COL19A1: variants seen among roughly 807,000 people sequenced by gnomAD.
COL19A1 encodes collagen alpha-1(XIX) chain.
COL19A1 carries 159 observed loss-of-function variants against 190.2 expected under a neutral mutation model. That is an observed-to-expected ratio of 0.84 (90% CI 0.73 to 0.95). COL19A1 has a LOEUF of 0.95. Among genes scored for constraint, COL19A1 ranks in the 40% least tolerant of loss-of-function variants. The pLI, the probability that COL19A1 is intolerant of heterozygous loss-of-function variation, is 0.00. For missense variants in COL19A1, 1,418 were observed against 1,431.9 expected (o/e 0.99, Z 0.16); for synonymous variants, 509 against 458.9 (o/e 1.11, Z -1.39).
rs533990407 is a variant in COL19A1 at position 70,207,975 on chromosome 6, A to G, written c.*701A>G. 3 of 152,356 alleles carry G rather than the reference A, an allele frequency of 2.0e-5. No individual in the cohort carries two copies. In the South Asian group the frequency reaches 6.2e-4, roughly 32 times the overall value. 9.4% of individuals were successfully genotyped at this position (152,356 alleles called of 1,614,324 possible). On this transcript the variant is annotated 3_prime_UTR_variant, in exon 51 of 51. Transcript: ENST00000620364. Reference sequence around the variant, plus strand: ...ATGAGCTCAATTCAAAGCAATCACCACTGGCATGAATAAGTACTGCATGAA... The same window carrying G: ...ATGAGCTCAATTCAAAGCAATCACCGCTGGCATGAATAAGTACTGCATGAA...
intron 11 of COL19A1, among the ~76,000 whole-genome samples, chr6:69,991,622 A>T (rs567866723): frequency 6.6e-6 from 1 of 152,134 alleles, no homozygotes; most frequent in African/African-American, 2.4e-5. Flanking sequence ...TTTGATTTAC[A>T]TCTCTCTGAT....
chr6:70,041,135 C>T (rs1467195960), intron 14 of COL19A1, among the ~76,000 whole-genome samples: 1 of 152,058 alleles, frequency 6.6e-6, no homozygotes, highest in African/African-American at 2.4e-5. Flanking sequence ...CACCATAAAC[C>T]CACCTTCATG....
At chr6:69,928,833 G>A (rs1260548225) in intron 5 of COL19A1, among the ~76,000 whole-genome samples, 1 of 152,100 alleles carries the variant, frequency 6.6e-6, no homozygotes, top group Non-Finnish European at 1.5e-5. Flanking sequence ...GTACATATCC[G>A]TTGAAATGTT....
At chr6:69,916,112 A>G (rs1771283812) in intron 4 of COL19A1, among the ~76,000 whole-genome samples, 1 of 151,738 alleles carries the variant, frequency 6.6e-6, no homozygotes. Flanking sequence ...AATTTTTTGT[A>G]TTATTAGTAG....
At chr6:70,031,019 T>C (rs1779034366) in intron 12 of COL19A1, among the ~76,000 whole-genome samples, 1 of 152,176 alleles carries the variant, frequency 6.6e-6, no homozygotes, top group Non-Finnish European at 1.5e-5. Context: ...ATCATGTCAT[T>C]TTCCTGCTTA....
intron 11 of COL19A1, among the ~76,000 whole-genome samples, chr6:69,988,342 A>G (rs1018212155): frequency 6.6e-6 from 1 of 152,184 alleles, no homozygotes; most frequent in African/African-American, 2.4e-5. Flanking sequence ...AAAGATAAGC[A>G]TTACTTAGTG....
chr6:70,131,373 A>G (rs1159262291), intron 18 of COL19A1, among the ~76,000 whole-genome samples: 2 of 152,214 alleles, frequency 1.3e-5, no homozygotes, highest in East Asian at 3.8e-4. Flanking sequence ...AAAAAGTCGT[A>G]CACCCATCAC....
chr6:70,073,590 G>A (rs544553255), intron 15 of COL19A1, among the ~76,000 whole-genome samples: 1 of 152,256 alleles, frequency 6.6e-6, no homozygotes, highest in Non-Finnish European at 1.5e-5. Context: ...CTACTCTGTT[G>A]AATCTATTTT....
At chr6:69,955,992 G>A (rs181472123) in intron 9 of COL19A1, among the ~76,000 whole-genome samples, 197 of 152,080 alleles carry the variant, frequency 1.3e-3, no homozygotes, top group Non-Finnish European at 2.3e-3. Flanking sequence ...TAGAGTTGGT[G>A]CCTCATCAGA....
chr6:69,913,076 G>A (rs555754364), intron 4 of COL19A1, among the ~76,000 whole-genome samples: 15 of 152,192 alleles, frequency 9.9e-5, no homozygotes, highest in African/African-American at 3.4e-4. Context: ...GTGACAGAGT[G>A]AGACCCTGTC....
At chr6:70,141,347 C>A (rs1385792542) in intron 20 of COL19A1, among the ~76,000 whole-genome samples, 1 of 151,966 alleles carries the variant, frequency 6.6e-6, no homozygotes, top group Non-Finnish European at 1.5e-5. Context: ...GTTAATGGCA[C>A]AAAGTGGATT....
At chr6:69,987,972 TAATTATTTGGACC>T (rs1199266005) in intron 11 of COL19A1, among the ~76,000 whole-genome samples, 1 of 152,206 alleles carries the variant, frequency 6.6e-6, no homozygotes, top group African/African-American at 2.4e-5. Context: ...GTAAGAAAGA[TAATTATTTGGACC>T]CTTAAAGCTT....
chr6:70,136,787 AT>A (rs1562208545), intron 18 of COL19A1, among the ~76,000 whole-genome samples: 1 of 152,082 alleles, frequency 6.6e-6, no homozygotes, highest in Non-Finnish European at 1.5e-5. Context: ...TGTTTTCTGT[AT>A]TTATTCTTTT....
intron 15 of COL19A1, among the ~76,000 whole-genome samples, chr6:70,100,534 T>A (rs1343559719): frequency 2.5e-4 from 1 of 4,040 alleles, no homozygotes; most frequent in Non-Finnish European, 4.5e-4. Context: ...TGTTTTTAAT[T>A]TTTTTTTTTT....
chr6:69,897,293 G>A (rs778326300), intron 2 of COL19A1, among the ~76,000 whole-genome samples: 1 of 152,032 alleles, frequency 6.6e-6, no homozygotes, highest in Admixed American at 6.5e-5. Context: ...CATACGTTTT[G>A]GGTTATGTTT....
intron 11 of COL19A1, among the ~76,000 whole-genome samples, chr6:69,993,286 C>T (rs990045475): frequency 6.6e-6 from 1 of 152,142 alleles, no homozygotes; most frequent in Non-Finnish European, 1.5e-5. Context: ...TTGAACCAAT[C>T]TTGCTTCCCA....
intron 15 of COL19A1, among the ~76,000 whole-genome samples, chr6:70,072,005 T>C (rs1447337629): frequency 2.6e-5 from 4 of 151,876 alleles, no homozygotes; most frequent in Non-Finnish European, 5.9e-5. Context: ...GTAAGGAAAT[T>C]AGGGCATGAG....
rs769434424 is a variant in COL19A1 at position 70,068,473 on chromosome 6, G to A, written c.1221G>A (p.Gln407=). Reference sequence around the variant, plus strand: ...AAGGTCCACCTGGAAAAGAGGGTCAGAGGGTAAGTAAAGCTGGAACAACTG... The same window carrying A: ...AAGGTCCACCTGGAAAAGAGGGTCAAAGGGTAAGTAAAGCTGGAACAACTG... ...GPQGPPGKEG[Q]RGRRGKTGPP... Residue 407 remains glutamine (Q), a synonymous_variant, in exon 15 of 51, where the codon CAG becomes CAA. Transcript: ENST00000620364. The A allele has an allele frequency of 6.3e-7, 1 of 1,595,166 alleles. No individual in the cohort carries two copies. Among genetic ancestry groups the A allele is most frequent in the South Asian group, 1.1e-5 (1 of 89,996 alleles).
At chr6:69,868,822 C>A (rs985014263) in intron 1 of COL19A1, among the ~76,000 whole-genome samples, 1 of 152,110 alleles carries the variant, frequency 6.6e-6, no homozygotes, top group Non-Finnish European at 1.5e-5. Context: ...TCTCCTGCTG[C>A]AATTTTAGTT....
Sources: gnomAD v4.1 joint callset for allele counts (sites outside exome capture counted in the v4.1 genomes callset) on GRCh38, gnomAD v4.1.1 for gene constraint, MANE v1.5 for transcripts, NCBI Gene and HGNC (gene_info 2026-07-23, HGNC 2026-07-21) for gene names.